Variants in SV2B observed in about 807,000 individuals in gnomAD.
SV2B encodes synaptic vesicle glycoprotein 2B, also known as solute carrier family 22 member B2.
In SV2B, 41 loss-of-function variants were observed where a neutral mutation model predicts 73.9. The observed-to-expected ratio is 0.56, with a 90% confidence interval of 0.43 to 0.72. The LOEUF (loss-of-function observed/expected upper bound fraction) is 0.72. Among genes scored for constraint, SV2B ranks in the 30% least tolerant of loss-of-function variants. SV2B has a pLI of 0.00. For synonymous variants in SV2B, 314 were observed against 314.2 expected, an observed-to-expected ratio of 1.00 and a Z score of 0.01; for missense variants, 764 against 857.8, an observed-to-expected ratio of 0.89 and a Z score of 1.37.
At chr15:91,256,954 G>C (rs2047718573) in intron 4 of SV2B, among the ~76,000 whole-genome samples, 2 of 152,016 alleles carry the variant, frequency 1.3e-5, no homozygotes, top group Admixed American at 1.3e-4. Flanking sequence ...TATATTTCTA[G>C]GTAAATGAAA....
Position 91,124,183 on chromosome 15 carries a change from A to G in SV2B, c.-392+23820A>G, listed in dbSNP as rs2042413266. 6.6e-6 allele frequency among the ~76,000 whole-genome samples: 1 copy of G among 152,200 alleles called. No homozygotes were observed. Among genetic ancestry groups the G allele is most frequent in the Non-Finnish European group, 1.5e-5 (1 of 68,028 alleles). ...ACATTCATTAAATTATCAAAATTCT[A>G]TAAGGATTTAAATGAATGTTCCAGC... On this transcript the variant is annotated intron_variant, in intron 1 of 12. Transcript: ENST00000394232. The surrounding 1 kb of genome is among the most constrained non-coding windows in gnomAD (Gnocchi z 4.6).
Position 91,232,163 on chromosome 15 carries a change from C to T in SV2B, c.451+5449C>T, listed in dbSNP as rs1030674730. Among the ~76,000 whole-genome samples, 3 of 152,196 alleles carry T rather than the reference C, an allele frequency of 2.0e-5. No homozygotes were observed. The highest frequency in any genetic ancestry group is 4.8e-5 in the African/African-American group (2 of 41,450). ...GGGGTGGCATGGAGGGGGGTCACTT[C>T]TGTGGCACAAAATATGTCCTCAGTG... On this transcript the variant is annotated intron_variant, in intron 2 of 12. Coordinates refer to ENST00000394232, the MANE Select transcript of SV2B (RefSeq NM_001323032.3). The surrounding 1 kb of genome is among the most constrained non-coding windows in gnomAD (Gnocchi z 4.7).
intron 2 of SV2B, among the ~76,000 whole-genome samples, chr15:91,249,041 CG>C (rs1567391004): frequency 1.3e-5 from 2 of 148,438 alleles, no homozygotes; most frequent in East Asian, 4.0e-4. Flanking sequence ...CACAATCACA[CG>C]TGCATGCATC....
chr15:91,292,691 G>A lies in SV2B; in HGVS notation c.*139G>A. On this transcript the variant is annotated 3_prime_UTR_variant, in exon 13 of 13. Coordinates refer to ENST00000394232, the MANE Select transcript of SV2B (RefSeq NM_001323032.3). ...GTTGACTTTGTGACCCCTAGTTTAG[G>A]ACCCACTTCAGCTGTCAATATGTTT... 1 of 1,060,636 alleles carries A rather than the reference G, an allele frequency of 9.4e-7. No individual in the cohort carries two copies. The highest frequency in any genetic ancestry group is 1.3e-6 in the Non-Finnish European group (1 of 759,070). The allele number at this position is 1,060,636 out of a possible 1,614,324, so 65.7% of individuals were successfully genotyped here.
At chr15:91,262,817 C>G (rs1313429743) in intron 6 of SV2B, among the ~76,000 whole-genome samples, 4 of 152,212 alleles carry the variant, frequency 2.6e-5, no homozygotes, top group Admixed American at 2.0e-4. Context: ...TCTGTGATGG[C>G]CTGTAGTGCT....
chr15:91,144,739 A>G (rs975680704), intron 1 of SV2B, among the ~76,000 whole-genome samples: 1 of 152,108 alleles, frequency 6.6e-6, no homozygotes, highest in Non-Finnish European at 1.5e-5. Context: ...CACTTCTCTT[A>G]CCTTATTCCA....
chr15:91,211,087 G>A (rs1382750193), intron 1 of SV2B, among the ~76,000 whole-genome samples: 5 of 152,246 alleles, frequency 3.3e-5, no homozygotes, highest in African/African-American at 9.6e-5. Context: ...TGGGCAGGGT[G>A]TCATTCAGCA....
In SV2B at chr15:91,266,682, T is replaced by A. The variant is rs1286281303; in HGVS notation, c.1109T>A (p.Ile370Asn). 1.9e-6 allele frequency: 3 copies of A among 1,612,724 alleles called. No homozygotes were observed. The African/African-American group carries it at 4.0e-5, about 22-fold the overall frequency. Reference protein sequence around the residue: ...YQRWLVRFKTIFKQVWDNALY... With the variant: ...YQRWLVRFKTNFKQVWDNALY... The stretch of plus-strand genomic sequence containing the variant: ...CGCTGGCTGGTCAGATTCAAGACCA[T>A]TTTCAAGCAGGTATGATTGGGAACT... Residue 370 changes from isoleucine (I) to asparagine (N), a missense_variant, in exon 7 of 13, where the codon ATT becomes AAT. By Grantham distance (149) the Ile-to-Asn change is moderately radical. Coordinates refer to ENST00000394232, the MANE Select transcript of SV2B (RefSeq NM_001323032.3).
chr15:91,263,827 C>T (rs2048011902), intron 6 of SV2B, among the ~76,000 whole-genome samples: 1 of 152,206 alleles, frequency 6.6e-6, no homozygotes, highest in African/African-American at 2.4e-5. Context: ...TCTCCGTGCC[C>T]CTCCTCCCTT....
intron 1 of SV2B, among the ~76,000 whole-genome samples, chr15:91,217,894 C>T (rs1013388701): frequency 1.3e-5 from 2 of 152,332 alleles, no homozygotes; most frequent in Middle Eastern, 3.4e-3. Flanking sequence ...CAGGTCCTGT[C>T]TCCAGTAGTC....
intron 1 of SV2B, among the ~76,000 whole-genome samples, chr15:91,203,363 T>C (rs760195499): frequency 2.0e-5 from 3 of 152,220 alleles, no homozygotes; most frequent in African/African-American, 4.8e-5. Flanking sequence ...GGCATGAGCC[T>C]GGTACCGTTG....
chr15:91,205,384 T>TA (rs1555483572), intron 1 of SV2B, among the ~76,000 whole-genome samples: 1 of 149,730 alleles, frequency 6.7e-6, no homozygotes, highest in South Asian at 2.1e-4. Context: ...TTTTTTTTTT[T>TA]AAACACAGGG....
At position 91,261,749 on chromosome 15, in the gene SV2B, G is replaced by A. The variant is rs1441922273; in HGVS notation, c.1008+1340G>A. ...ATCAGTGGCTATTAGTCTGAATTTT[G>A]TTTCTTGCCAGTTTTAAAAGCAGAC... On this transcript the variant is annotated intron_variant, in intron 6 of 12. Coordinates refer to ENST00000394232, the MANE Select transcript of SV2B (RefSeq NM_001323032.3). This position sits in a 1 kb window ranked among gnomAD's most constrained non-coding sequence, Gnocchi z 4.7. Among the ~76,000 whole-genome samples the A allele has an allele frequency of 6.6e-6, 1 of 152,106 alleles. No homozygotes were observed. The highest frequency in any genetic ancestry group is 2.4e-5 in the African/African-American group (1 of 41,418).
rs1397680976 is a variant in SV2B at position 91,118,712 on chromosome 15, C to T, written c.-392+18349C>T. On this transcript the variant is annotated intron_variant, in intron 1 of 12. Coordinates refer to ENST00000394232, the MANE Select transcript of SV2B (RefSeq NM_001323032.3). This position sits in a 1 kb window ranked among gnomAD's most constrained non-coding sequence, Gnocchi z 4.7. ...AAAACTTTATACACAGAAGCCACCACATCAGACAGCCCAGTCCAAACCAGA... is the reference window on the plus strand; with the variant it reads ...AAAACTTTATACACAGAAGCCACCATATCAGACAGCCCAGTCCAAACCAGA... Among the ~76,000 whole-genome samples the T allele has an allele frequency of 6.6e-6, 1 of 152,224 alleles. No homozygotes were observed. Among genetic ancestry groups the T allele is most frequent in the Admixed American group, 6.5e-5 (1 of 15,294 alleles).
chr15:91,174,054 C>T (rs2044217209), intron 1 of SV2B, among the ~76,000 whole-genome samples: 1 of 152,178 alleles, frequency 6.6e-6, no homozygotes, highest in African/African-American at 2.4e-5. Flanking sequence ...TATTTTGCAA[C>T]TGATTGCATG....
intron 1 of SV2B, among the ~76,000 whole-genome samples, chr15:91,144,492 A>T (rs1026873795): frequency 6.6e-6 from 1 of 152,176 alleles, no homozygotes; most frequent in Non-Finnish European, 1.5e-5. Flanking sequence ...AAAATATTGA[A>T]TGCCAGGAAA....
intron 1 of SV2B, among the ~76,000 whole-genome samples, chr15:91,158,756 A>C (rs75542929): frequency 0.22 from 12,226 of 55,040 alleles, 3,512 homozygotes; most frequent in Non-Finnish European, 0.23. Flanking sequence ...TCTCTGCCTC[A>C]CTGTCTCTCT....
intron 1 of SV2B, among the ~76,000 whole-genome samples, chr15:91,107,962 C>T (rs2041935130): frequency 6.6e-6 from 1 of 152,094 alleles, no homozygotes; most frequent in African/African-American, 2.4e-5. Context: ...TTTAATTTCC[C>T]TGAGCCTGGG....
chr15:91,158,516 T>C (rs954174432), intron 1 of SV2B, among the ~76,000 whole-genome samples: 2 of 151,716 alleles, frequency 1.3e-5, no homozygotes, highest in Non-Finnish European at 2.9e-5. Context: ...TTGTAGTCAG[T>C]GTACATGATG....
Sources: gnomAD v4.1 joint callset for allele counts (sites outside exome capture counted in the v4.1 genomes callset) on GRCh38, gnomAD v4.1.1 for gene constraint, Gnocchi (gnomAD v3.1) non-coding constraint, MANE v1.5 for transcripts, NCBI Gene and HGNC (gene_info 2026-07-23, HGNC 2026-07-21) for gene names.